The following CYRIB variants were observed in gnomAD, a reference collection of about 807,000 sequenced individuals.
The protein encoded by CYRIB is CYFIP-related Rac1 interactor B.
CYRIB carries 8 observed loss-of-function variants against 44.2 expected under a neutral mutation model. The observed-to-expected ratio is 0.18, with a 90% CI of 0.11 to 0.33. The LOEUF (loss-of-function observed/expected upper bound fraction) is 0.33. Ranked by LOEUF, CYRIB falls within the 10% of genes least tolerant of loss-of-function variation. CYRIB has a pLI of 1.00. For synonymous variants in CYRIB, 131 were observed against 127.2 expected (o/e 1.03, Z -0.20); for missense variants, 185 against 382.8 (o/e 0.48, Z 4.31).
chr8:129,901,808 TATTTAA>T (rs1254380872), intron 2 of CYRIB: 23 of 152,356 alleles, frequency 1.5e-4, no homozygotes, highest in African/African-American at 5.3e-4. Context: ...ACACAACATC[TATTTAA>T]AATTATGATA....
At chr8:129,898,785 A>G (rs1466396326) in intron 2 of CYRIB, among the ~76,000 whole-genome samples, 1 of 152,246 alleles carries the variant, frequency 6.6e-6, no homozygotes, top group African/African-American at 2.4e-5. Context: ...AGTGCTAAAA[A>G]GAGTCCAGCA....
At chr8:129,922,948 G>A (rs568320968) in intron 1 of CYRIB, among the ~76,000 whole-genome samples, 1 of 151,182 alleles carries the variant, frequency 6.6e-6, no homozygotes, top group East Asian at 2.0e-4. Context: ...AAAATTCTCC[G>A]GCCGGGCGCG....
Position 130,015,845 on chromosome 8 carries a change from G to T in CYRIB, c.-296+525C>A, listed in dbSNP as rs1250500221. On this transcript the variant is annotated intron_variant, in intron 1 of 14. Coordinates refer to the CYRIB transcript ENST00000401979. ...ACACAGGCGGGTGGCTACCCCAGGAGGAAGTCTTGAGGCCAGTGGAGATTT... is the reference window on the plus strand; with the variant it reads ...ACACAGGCGGGTGGCTACCCCAGGATGAAGTCTTGAGGCCAGTGGAGATTT... 7.9e-5 allele frequency among the ~76,000 whole-genome samples: 12 copies of T among 152,342 alleles called. No individual in the cohort carries two copies. The East Asian group carries it at 2.3e-3, about 29-fold the overall frequency.
At chr8:129,970,052 C>A (rs901219723) in intron 2 of CYRIB, among the ~76,000 whole-genome samples, 3 of 152,116 alleles carry the variant, frequency 2.0e-5, no homozygotes, top group African/African-American at 7.2e-5. Flanking sequence ...GCATGAGGGA[C>A]CTTTCTAGAA....
intron 2 of CYRIB, among the ~76,000 whole-genome samples, chr8:129,882,213 A>C (rs1233700601): frequency 6.6e-6 from 1 of 152,088 alleles, no homozygotes; most frequent in Non-Finnish European, 1.5e-5. Context: ...TAGGAGTTTA[A>C]TCTATGGAAT....
intron 2 of CYRIB, among the ~76,000 whole-genome samples, chr8:129,946,250 T>C (rs2094133902): frequency 6.6e-6 from 1 of 151,690 alleles, no homozygotes; most frequent in African/African-American, 2.4e-5. Flanking sequence ...TATATTTTGC[T>C]GCCAGCCTTC....
chr8:129,955,407 T>C (rs540035932), intron 2 of CYRIB, among the ~76,000 whole-genome samples: 1 of 152,180 alleles, frequency 6.6e-6, no homozygotes, highest in East Asian at 1.9e-4. Flanking sequence ...AAATACTGTT[T>C]CTTGCTGTTC....
intron 1 of CYRIB, among the ~76,000 whole-genome samples, chr8:129,910,921 G>C (rs771830322): frequency 4.6e-5 from 7 of 152,196 alleles, no homozygotes; most frequent in Non-Finnish European, 7.3e-5. Context: ...GCCTCCAAAA[G>C]CGCTGGAATT....
chr8:129,897,446 C>G (rs1008963958), intron 2 of CYRIB, among the ~76,000 whole-genome samples: 3 of 151,944 alleles, frequency 2.0e-5, no homozygotes, highest in Non-Finnish European at 4.4e-5. Context: ...TAGAAATAAA[C>G]TAAACACAAT....
intron 4 of CYRIB, among the ~76,000 whole-genome samples, chr8:129,868,108 T>C (rs908187000): frequency 6.6e-6 from 1 of 152,206 alleles, no homozygotes; most frequent in African/African-American, 2.4e-5. Context: ...AATTTAATTA[T>C]TGACCTATGA....
At chr8:129,893,581 T>C (rs866308823) in intron 2 of CYRIB, among the ~76,000 whole-genome samples, 5 of 152,218 alleles carry the variant, frequency 3.3e-5, no homozygotes, top group Admixed American at 2.0e-4. Context: ...ATTAAAACTA[T>C]AACAATTTAG....
exon 8 of CYRIB, chr8:129,852,204 C>A: frequency 6.4e-7 from 1 of 1,570,598 alleles, no homozygotes; most frequent in Non-Finnish European, 8.6e-7. Context: ...AGGTTTTCAG[C>A]ATTGGAGTTG....
intron 7 of CYRIB, among the ~76,000 whole-genome samples, chr8:129,853,080 T>C (rs762476805): frequency 1.3e-5 from 2 of 151,830 alleles, no homozygotes; most frequent in Non-Finnish European, 2.9e-5. Context: ...GTTGGAACAG[T>C]GGGAGGAGGA....
chr8:129,943,089 C>CCCCG (rs3837164), upstream of CYRIB, among the ~76,000 whole-genome samples: 1 of 113,140 alleles, frequency 8.8e-6, no homozygotes, highest in African/African-American at 4.8e-5. Flanking sequence ...ACCGCCCACC[C>CCCCG]GCCCCCCCGC....
intron 1 of CYRIB, among the ~76,000 whole-genome samples, chr8:129,934,073 T>G (rs1009954230): frequency 2.0e-5 from 3 of 152,168 alleles, no homozygotes; most frequent in Non-Finnish European, 4.4e-5. Flanking sequence ...GTCTCATGAT[T>G]TCACTGATTA....
intron 1 of CYRIB, among the ~76,000 whole-genome samples, chr8:129,992,011 T>C (rs1014079292): frequency 1.5e-5 from 2 of 133,600 alleles, no homozygotes; most frequent in African/African-American, 2.9e-5. Flanking sequence ...AGAGGTGTGG[T>C]ATGATCCGAG....
upstream of CYRIB, chr8:130,016,645 G>A (rs2097355262): frequency 6.7e-6 from 1 of 149,108 alleles, no homozygotes; most frequent in Non-Finnish European, 1.5e-5. Flanking sequence ...CACAAAAGGA[G>A]GACGCTCGCC....
chr8:129,916,856 C>CAT (rs2136737907), intron 1 of CYRIB, among the ~76,000 whole-genome samples: 1 of 152,270 alleles, frequency 6.6e-6, no homozygotes, highest in African/African-American at 2.4e-5. Flanking sequence ...AACAGCATAG[C>CAT]ATATATAGGT....
chr8:129,842,024 G>A, exon 12 of CYRIB: 1 of 709,098 alleles, frequency 1.4e-6, no homozygotes, highest in Non-Finnish European at 2.4e-6. Context: ...AAGAGGAACA[G>A]AGGAAAGAAA....
Sources: gnomAD v4.1 joint callset for allele counts (sites outside exome capture counted in the v4.1 genomes callset) on GRCh38, gnomAD v4.1.1 for gene constraint, MANE v1.5 for transcripts, NCBI Gene and HGNC (gene_info 2026-07-23, HGNC 2026-07-21) for gene names.